WDPCP: variants seen among roughly 807,000 people sequenced by gnomAD.
The protein encoded by WDPCP is WD repeat containing planar cell polarity effector, also known as WD repeat-containing and planar cell polarity effector protein fritz homolog.
WDPCP carries 71 observed loss-of-function variants against 93.1 expected under a neutral mutation model. The ratio of observed to expected loss-of-function variants is 0.76; its 90% CI spans 0.63 to 0.93. WDPCP has a LOEUF of 0.93. WDPCP is among the 40% of genes least tolerant of loss of function. The pLI is 0.00. For missense variants in WDPCP, 844 were observed against 887.4 expected (o/e 0.95, Z 0.62); for synonymous variants, 315 against 315.0 (o/e 1.00, Z 0.00).
chr2:63,387,909 G>C (rs1692879881), intron 10 of WDPCP, among the ~76,000 whole-genome samples: 1 of 152,028 alleles, frequency 6.6e-6, no homozygotes, highest in African/African-American at 2.4e-5. Context: ...TGGGAATACA[G>C]CTAACAGAGA....
At chr2:63,313,150 T>A (rs1686307397) in intron 13 of WDPCP, 98 bp downstream of exon 13, 7 of 1,161,446 alleles carry the variant, frequency 6.0e-6, no homozygotes, top group Middle Eastern at 3.8e-4. Flanking sequence ...ACCCTGTGTC[T>A]AAGGCTGCAA....
At chr2:63,296,798 A>C (rs982422580) in intron 13 of WDPCP, among the ~76,000 whole-genome samples, 1 of 108,150 alleles carries the variant, frequency 9.2e-6, no homozygotes, top group Non-Finnish European at 2.3e-5. Flanking sequence ...CAGATGATAC[A>C]AAAAAAATGG....
chr2:63,485,778 AGTTATATGT>A (rs899810398), intron 4 of WDPCP, among the ~76,000 whole-genome samples: 1 of 151,808 alleles, frequency 6.6e-6, no homozygotes, highest in African/African-American at 2.4e-5. Flanking sequence ...ATTCTAAATG[AGTTATATGT>A]GTATTTGTGC....
chr2:63,808,287 GCTCCCT>G (rs1351640507), intron 2 of WDPCP, among the ~76,000 whole-genome samples: 96 of 148,808 alleles, frequency 6.5e-4, no homozygotes, highest in Non-Finnish European at 1.2e-3. Flanking sequence ...TAATTCCTTC[GCTCCCT>G]CTCCCTCTCC....
intron 14 of WDPCP, among the ~76,000 whole-genome samples, chr2:63,200,196 G>A (rs1381832956): frequency 2.0e-5 from 3 of 151,976 alleles, no homozygotes; most frequent in Non-Finnish European, 2.9e-5. Context: ...GAAGGGACTT[G>A]TCTTTTTTAA....
intron 9 of WDPCP, among the ~76,000 whole-genome samples, chr2:63,430,664 A>G (rs1483290841): frequency 6.6e-6 from 1 of 152,164 alleles, no homozygotes; most frequent in East Asian, 1.9e-4. Context: ...CGGGCAGATC[A>G]TGAGGTCAAG....
chr2:63,328,124 T>C (rs1403009288), intron 12 of WDPCP, among the ~76,000 whole-genome samples: 2 of 152,038 alleles, frequency 1.3e-5, no homozygotes, highest in African/African-American at 4.8e-5. Context: ...AGCTAAAGGA[T>C]TGTAAATGCA....
intron 1 of WDPCP, among the ~76,000 whole-genome samples, chr2:63,519,671 G>A (rs1702794949): frequency 6.6e-6 from 1 of 151,678 alleles, no homozygotes; most frequent in Admixed American, 6.6e-5. Context: ...GAAGTCAACT[G>A]AACCCACCTT....
intron 12 of WDPCP, among the ~76,000 whole-genome samples, chr2:63,370,591 T>C (rs999000377): frequency 5.3e-5 from 8 of 152,152 alleles, no homozygotes; most frequent in Non-Finnish European, 1.2e-4. Flanking sequence ...TAGAAAAGAA[T>C]TGTGCGAATA....
At chr2:63,478,969 A>G (rs1204057006) in intron 6 of WDPCP, among the ~76,000 whole-genome samples, 1 of 152,042 alleles carries the variant, frequency 6.6e-6, no homozygotes, top group Non-Finnish European at 1.5e-5. Context: ...AAAAGAAGAG[A>G]GATGATCAAA....
In WDPCP at chr2:63,602,934, C is replaced by CTTTTTTTTTTTTT. The variant is rs370479356; in HGVS notation, n.488+47712_488+47724dup. On this transcript the variant is annotated intron_variant and non_coding_transcript_variant, in intron 3 of 4. Coordinates refer to the WDPCP transcript ENST00000467687. ...ACATAATACAGTTTATTTAACCGTT[C>CTTTTTTTTTTTTT]TTTTTTTTTTTTTTTTTTTTTTTTT... is the stretch of plus-strand genomic sequence containing the variant. Among the ~76,000 whole-genome samples the CTTTTTTTTTTTTT allele has an allele frequency of 6.9e-4, 91 of 131,592 alleles. 6 individuals are homozygous for CTTTTTTTTTTTTT. Among genetic ancestry groups the CTTTTTTTTTTTTT allele is most frequent in the Non-Finnish European group, 1.2e-3 (69 of 59,590 alleles). 86.3% of individuals were successfully genotyped at this position (131,592 alleles called of 152,430 possible). A position where few individuals can be genotyped will look rare whatever the true frequency, so the allele number is the denominator to read the frequency against.
rs1701199796 is a variant in WDPCP, at chr2:63,495,993, T to C, written c.76-3053A>G. ...TGCAAGTAAGAAAGAAAAGAGATGG[T>C]AAAACAGGTGTATACTTCCTCTGAC... is the stretch of plus-strand genomic sequence containing the variant. On this transcript the variant is annotated intron_variant, in intron 1 of 17. Transcript: ENST00000272321. Among the ~76,000 whole-genome samples, 3 of 152,136 alleles carry C rather than the reference T, an allele frequency of 2.0e-5. No individual in the cohort carries two copies. The South Asian group carries it at 6.2e-4, about 31-fold the overall frequency.
chr2:63,355,483 G>C (rs1395413281), intron 12 of WDPCP, among the ~76,000 whole-genome samples: 2 of 152,126 alleles, frequency 1.3e-5, no homozygotes, highest in African/African-American at 4.8e-5. Context: ...GCTGCTACCA[G>C]CTAATATAAA....
chr2:63,182,968 T>C (rs1674363830), intron 14 of WDPCP, among the ~76,000 whole-genome samples: 1 of 151,852 alleles, frequency 6.6e-6, no homozygotes, highest in African/African-American at 2.4e-5. Flanking sequence ...ATCACTTGTA[T>C]TGTGGTATCA....
At chr2:63,606,677 A>G (rs2106631096) in intron 3 of WDPCP, among the ~76,000 whole-genome samples, 1 of 151,800 alleles carries the variant, frequency 6.6e-6, no homozygotes, top group Non-Finnish European at 1.5e-5. Flanking sequence ...TTTTAGATTC[A>G]AGGGGTTTAA....
chr2:63,197,289 TACTC>T (rs1675514303), intron 14 of WDPCP, among the ~76,000 whole-genome samples: 1 of 152,216 alleles, frequency 6.6e-6, no homozygotes, highest in East Asian at 1.9e-4. Flanking sequence ...TTTTCTAGCT[TACTC>T]TATTGTAAGA....
intron 3 of WDPCP, chr2:63,594,489 C>G (rs1214695937): frequency 1.9e-6 from 3 of 1,611,392 alleles, no homozygotes; most frequent in Non-Finnish European, 2.5e-6. Context: ...TCATTACAGT[C>G]TGAACCAATC....
intron 3 of WDPCP, among the ~76,000 whole-genome samples, chr2:63,606,473 C>G (rs1334002678): frequency 6.6e-6 from 1 of 152,174 alleles, no homozygotes; most frequent in African/African-American, 2.4e-5. Context: ...ATTTCAGCTT[C>G]AGGTCATTGA....
intron 17 of WDPCP, 65 bp downstream of exon 17, chr2:63,152,849 T>G (rs964338136): frequency 1.4e-6 from 2 of 1,477,062 alleles, no homozygotes; most frequent in Non-Finnish European, 1.9e-6. Flanking sequence ...TTCAAAATAA[T>G]CACATACATT....
Sources: allele counts gnomAD v4.1 joint callset (sites outside exome capture counted in the v4.1 genomes callset), GRCh38; gene constraint gnomAD v4.1.1; transcripts MANE v1.5; gene names NCBI Gene and HGNC (gene_info 2026-07-23, HGNC 2026-07-21).